The following FARS2 variants were observed in gnomAD, a reference collection of about 807,000 sequenced individuals.
FARS2 encodes phenylalanyl-tRNA synthetase 2, mitochondrial.
A neutral mutation model predicts 46.4 loss-of-function variants in FARS2; 40 were observed. The ratio of observed to expected loss-of-function variants is 0.86; its 90% CI spans 0.67 to 1.12. The LOEUF (loss-of-function observed/expected upper bound fraction) is 1.12, where lower values mean the gene tolerates loss of function less well. Among genes scored for constraint, FARS2 ranks in the 50% most tolerant of loss-of-function variants. FARS2 has a pLI of 0.00. For missense variants in FARS2, 513 were observed against 567.9 expected (o/e 0.90, Z 0.98); for synonymous variants, 234 against 214.9 (o/e 1.09, Z -0.78).
At chr6:5,447,140 A>C (rs1446828639) in intron 4 of FARS2, among the ~76,000 whole-genome samples, 2 of 152,152 alleles carry the variant, frequency 1.3e-5, no homozygotes, top group African/African-American at 4.8e-5. Context: ...ATTACTGTGG[A>C]GTGTGAGTGG....
chr6:5,499,545 A>G (rs1314849512), intron 4 of FARS2, among the ~76,000 whole-genome samples: 1 of 152,198 alleles, frequency 6.6e-6, no homozygotes, highest in Non-Finnish European at 1.5e-5. Flanking sequence ...GGGCCCTAAC[A>G]TGCTCATCCA....
Position 5,343,248 on chromosome 6 carries a change from G to T in FARS2, c.-21-25302G>T, listed in dbSNP as rs562843882. 2.0e-5 allele frequency among the ~76,000 whole-genome samples: 3 copies of T among 152,170 alleles called. No homozygotes were observed. Among genetic ancestry groups the T allele is most frequent in the Admixed American group, 1.3e-4 (2 of 15,288 alleles). ...TATTTAGAGATGGAATTTCGCTCTCGTTGCCCAGGCTGGAGTGCAGTGGCG... is the reference window on the plus strand; with the variant it reads ...TATTTAGAGATGGAATTTCGCTCTCTTTGCCCAGGCTGGAGTGCAGTGGCG... On this transcript the variant is annotated intron_variant, in intron 1 of 6. Coordinates refer to ENST00000274680, the MANE Select transcript of FARS2 (RefSeq NM_006567.5). The surrounding 1 kb of genome is among the most constrained non-coding windows in gnomAD (Gnocchi z 4.5).
chr6:5,495,496 C>G (rs1767404854), intron 4 of FARS2, among the ~76,000 whole-genome samples: 1 of 152,168 alleles, frequency 6.6e-6, no homozygotes, highest in Admixed American at 6.5e-5. Context: ...ACCGATGCTT[C>G]TGGGGTCTAG....
chr6:5,623,777 A>G (rs966264494), intron 6 of FARS2, among the ~76,000 whole-genome samples: 2 of 152,178 alleles, frequency 1.3e-5, no homozygotes, highest in African/African-American at 4.8e-5. Context: ...GCAGAGTTAT[A>G]TAGCCAGTCT....
At position 5,343,139 on chromosome 6, in the gene FARS2, G is replaced by A. The variant is rs184410323; in HGVS notation, c.-21-25411G>A. On this transcript the variant is annotated intron_variant, in intron 1 of 6. Coordinates refer to ENST00000274680, the MANE Select transcript of FARS2 (RefSeq NM_006567.5). The surrounding 1 kb of genome is among the most constrained non-coding windows in gnomAD (Gnocchi z 4.5). ...AATGGTAGTAATAATTTATTTTACC[G>A]ATTAGAGATGGTACTACTGCTGACA... 1.7e-3 allele frequency among the ~76,000 whole-genome samples: 260 copies of A among 152,220 alleles called. 4 individuals carry two copies. The highest frequency in any genetic ancestry group is 3.4e-4 in the Non-Finnish European group (23 of 68,030).
intron 6 of FARS2, among the ~76,000 whole-genome samples, chr6:5,687,999 T>G (rs1490249381): frequency 6.6e-6 from 1 of 152,216 alleles, no homozygotes; most frequent in Admixed American, 6.5e-5. Flanking sequence ...TGGCTCTCTG[T>G]TTGTCTGTTA....
rs1226054861 is a variant in FARS2 at position 5,670,725 on chromosome 6, C to T, written c.1217+57405C>T. Among the ~76,000 whole-genome samples, 4 of 152,208 alleles carry T rather than the reference C, an allele frequency of 2.6e-5. No homozygotes were observed. In the East Asian group the frequency reaches 7.7e-4, roughly 29 times the overall value. On this transcript the variant is annotated intron_variant, in intron 6 of 6. Coordinates refer to ENST00000274680, the MANE Select transcript of FARS2 (RefSeq NM_006567.5). ...TCATTAGTATGCACAGCACTGAAGC[C>T]CAGTTACATTTTTTTTTTAAATAAG...
intron 4 of FARS2, among the ~76,000 whole-genome samples, chr6:5,522,664 G>A (rs116315316): frequency 0.018 from 2,767 of 152,146 alleles, 67 homozygotes; most frequent in African/African-American, 0.063. Flanking sequence ...CTTATATTCC[G>A]TAGCCATGGC....
chr6:5,580,549 GC>G (rs1281072461), intron 5 of FARS2, among the ~76,000 whole-genome samples: 1 of 152,152 alleles, frequency 6.6e-6, no homozygotes, highest in Non-Finnish European at 1.5e-5. Context: ...AGCAGCAGCA[GC>G]CCCCGTGTGT....
chr6:5,403,413 A>G (rs1042766824), intron 2 of FARS2, among the ~76,000 whole-genome samples: 3 of 152,182 alleles, frequency 2.0e-5, no homozygotes, highest in African/African-American at 7.2e-5. Flanking sequence ...TCTCACTTCC[A>G]TGGTAAGCTG....
chr6:5,409,345 G>A (rs1173256753), intron 3 of FARS2, among the ~76,000 whole-genome samples: 1 of 152,126 alleles, frequency 6.6e-6, no homozygotes, highest in African/African-American at 2.4e-5. Flanking sequence ...CGGCTACTCA[G>A]GAGGCTGAGG....
intron 4 of FARS2, among the ~76,000 whole-genome samples, chr6:5,513,068 T>C (rs543869236): frequency 6.6e-6 from 1 of 152,212 alleles, no homozygotes; most frequent in East Asian, 1.9e-4. Context: ...GAAAACCTGA[T>C]GGAGGCTATG....
intron 4 of FARS2, among the ~76,000 whole-genome samples, chr6:5,486,294 A>G (rs1484244166): frequency 2.6e-5 from 4 of 152,210 alleles, no homozygotes; most frequent in Non-Finnish European, 2.9e-5. Flanking sequence ...GTCAGAGATG[A>G]GGTTTTGGTT....
intron 6 of FARS2, among the ~76,000 whole-genome samples, chr6:5,642,192 G>A (rs887219179): frequency 5.9e-5 from 9 of 152,138 alleles, no homozygotes; most frequent in African/African-American, 2.2e-4. Flanking sequence ...ATGCATATGT[G>A]TATATGTATC....
chr6:5,444,784 GC>G (rs145554548), intron 4 of FARS2, among the ~76,000 whole-genome samples: 99,598 of 150,832 alleles, frequency 0.66, 34,271 homozygotes, highest in East Asian at 0.91. Context: ...GTAAAATGGG[GC>G]GGGGGGGAAC....
At chr6:5,571,329 T>C (rs1399257534) in intron 5 of FARS2, among the ~76,000 whole-genome samples, 1 of 152,270 alleles carries the variant, frequency 6.6e-6, no homozygotes, top group Non-Finnish European at 1.5e-5. Flanking sequence ...ACGGGTGTAA[T>C]ACCTTCATTT....
Position 5,449,557 on chromosome 6 carries a change from C to G in FARS2, c.904+18385C>G, listed in dbSNP as rs537041714. Reference sequence around the variant, plus strand: ...ATAAGGCAAAAGTTCTCATGTGGTTCAGGTCTTTATTTGACTTATTCATTC... The same window carrying G: ...ATAAGGCAAAAGTTCTCATGTGGTTGAGGTCTTTATTTGACTTATTCATTC... On this transcript the variant is annotated intron_variant, in intron 4 of 6. Transcript: ENST00000274680. Among the ~76,000 whole-genome samples, 3 of 152,182 alleles carry G rather than the reference C, an allele frequency of 2.0e-5. No homozygotes were observed. The South Asian group carries it at 6.2e-4, about 32-fold the overall frequency.
intron 3 of FARS2, among the ~76,000 whole-genome samples, chr6:5,409,352 G>GTC (rs1761800232): frequency 6.6e-6 from 1 of 152,106 alleles, no homozygotes; most frequent in African/African-American, 2.4e-5. Context: ...TCAGGAGGCT[G>GTC]AGGCAGGAGA....
At chr6:5,662,739 C>T (rs1466281270) in intron 6 of FARS2, among the ~76,000 whole-genome samples, 2 of 152,118 alleles carry the variant, frequency 1.3e-5, no homozygotes, top group African/African-American at 4.8e-5. Context: ...TTGGTGTGTG[C>T]GGTGGTCAAG....
Sources: gnomAD v4.1 joint callset for allele counts (sites outside exome capture counted in the v4.1 genomes callset) on GRCh38, gnomAD v4.1.1 for gene constraint, Gnocchi (gnomAD v3.1) non-coding constraint, MANE v1.5 for transcripts, NCBI Gene and HGNC (gene_info 2026-07-23, HGNC 2026-07-21) for gene names.